The following RANBP6 variants were observed in gnomAD, a reference collection of about 807,000 sequenced individuals.
RANBP6 encodes the protein ran-binding protein 6.
In RANBP6, 10 loss-of-function variants were observed where a neutral mutation model predicts 35.3. The ratio of observed to expected loss-of-function variants is 0.28; its 90% CI spans 0.17 to 0.48. The LOEUF (loss-of-function observed/expected upper bound fraction) is 0.48, where lower values mean the gene tolerates loss of function less well. Ranked by LOEUF, RANBP6 falls within the 20% of genes least tolerant of loss-of-function variation. The pLI, the probability that RANBP6 is intolerant of heterozygous loss-of-function variation, is 0.99. For missense variants in RANBP6, 1,392 were observed against 1,307.7 expected (o/e 1.06, Z -0.99); for synonymous variants, 514 against 464.2 (o/e 1.11, Z -1.38).
rs780774904 is a variant in RANBP6 at position 6,013,760 on chromosome 9, C to G, written c.1848G>C (p.Trp616Cys). ...TTCCAAGAATTTTACACATTCTAGC[C>G]CATGCTGAAACCATGTAAGAGGTCT... ...DPQTSYMVSA[W>C]ARMCKILGKD... The change falls in exon 1 of 1, where the codon TGG (tryptophan) becomes TGC (cysteine). Residue 616 changes from tryptophan (W) to cysteine (C), a missense_variant. By Grantham distance (215) the Trp-to-Cys change is radical. Transcript: ENST00000259569. The G allele has an allele frequency of 6.1e-5, 98 of 1,613,802 alleles. No individual in the cohort carries two copies. The highest frequency in any genetic ancestry group is 8.1e-5 in the Non-Finnish European group (95 of 1,180,048).
In RANBP6 at chr9:6,014,867, G is replaced by C; in HGVS notation, c.741C>G (p.Ser247=). 6.2e-7 allele frequency: 1 copy of C among 1,614,078 alleles called. No individual in the cohort carries two copies. The highest frequency in any genetic ancestry group is 1.1e-5 in the South Asian group (1 of 91,076). The change falls in exon 1 of 1, where the codon TCC becomes TCG. Residue 247 remains serine (S), a synonymous_variant. Transcript: ENST00000259569. ...CYQDDDSVLE[S]LVEIADTVPK... is the part of the protein sequence containing the mutation. ...GTACGGTATCTGCAATCTCAACAAG[G>C]GATTCTAGCACTGAATCATCATCCT...
At position 6,013,651 on chromosome 9, in the gene RANBP6, T is replaced by C. The variant is rs1343835081; in HGVS notation, c.1957A>G (p.Thr653Ala). The C allele has an allele frequency of 6.2e-7, 1 of 1,614,254 alleles. No individual in the cohort carries two copies. The highest frequency in any genetic ancestry group is 1.1e-5 in the South Asian group (1 of 91,084). The change falls in exon 1 of 1, where the codon ACA (threonine) becomes GCA (alanine). Residue 653 changes from threonine (T) to alanine (A), a missense_variant. By Grantham distance (58) the Thr-to-Ala change is moderately conservative. Coordinates refer to ENST00000259569, the MANE Select transcript of RANBP6 (RefSeq NM_012416.4). ...TCACTCATATTTTCCACATCCTGTG[T>C]GTCTAAGAGAGCAACATCAGGTTTA... ...SAKPDVALLDTQDVENMSDDD... is the reference protein window; with the variant it reads ...SAKPDVALLDAQDVENMSDDD...
chr9:6,015,470 A>C lies in RANBP6; in HGVS notation c.138T>G (p.Gly46=). ...CTAAGAGGAAGGTAGTCTTACACAG[A>C]CCTGGGATATTTTCATAGATTTCCT... ...QAEEIYENIP[G]LCKTTFLLDA... The change falls in exon 1 of 1, where the codon GGT becomes GGG. Residue 46 remains glycine, a synonymous_variant. Transcript: ENST00000259569. The C allele has an allele frequency of 6.2e-7, 1 of 1,614,074 alleles. No individual in the cohort carries two copies. Among genetic ancestry groups the C allele is most frequent in the Non-Finnish European group, 8.5e-7 (1 of 1,180,038 alleles).
chr9:6,015,469 G>C lies in RANBP6; in HGVS notation c.139C>G (p.Leu47Val), dbSNP rs1332348691. 1.2e-6 allele frequency: 2 copies of C among 1,614,002 alleles called. No individual in the cohort carries two copies. The highest frequency in any genetic ancestry group is 1.7e-6 in the Non-Finnish European group (2 of 1,180,046). ...AEEIYENIPG[L>V]CKTTFLLDAV... ...TCTAAGAGGAAGGTAGTCTTACACA[G>C]ACCTGGGATATTTTCATAGATTTCC... Residue 47 changes from leucine (L) to valine (V), a missense_variant, in exon 1 of 1, where the codon CTG (leucine) becomes GTG (valine). By Grantham distance (32) the Leu-to-Val change is conservative. Coordinates refer to ENST00000259569, the MANE Select transcript of RANBP6 (RefSeq NM_012416.4).
At position 6,011,572 on chromosome 9, in the gene RANBP6, G is replaced by C. The variant is rs760625345; in HGVS notation, c.*718C>G. 4 of 152,154 alleles carry C rather than the reference G, an allele frequency of 2.6e-5. No individual in the cohort carries two copies. Among genetic ancestry groups the C allele is most frequent in the Non-Finnish European group, 5.9e-5 (4 of 68,036 alleles). 9.4% of individuals were successfully genotyped at this position (152,154 alleles called of 1,614,324 possible). Reference sequence around the variant, plus strand: ...TACTCTTTGTCAAACACTGTTACATGCTACCAATATTAGATGTATCAGGAC... The same window carrying C: ...TACTCTTTGTCAAACACTGTTACATCCTACCAATATTAGATGTATCAGGAC... On this transcript the variant is annotated 3_prime_UTR_variant, in exon 1 of 1. Transcript: ENST00000259569.
At position 6,013,175 on chromosome 9, in the gene RANBP6, C is replaced by T; in HGVS notation, c.2433G>A (p.Gly811=). The stretch of plus-strand genomic sequence containing the variant: ...GTCTCAATTCTTGGTTTTTAAAGTG[C>T]CCTTCAAGTTTTGCTTTCAGTATTC... ...LGGILKAKLE[G]HFKNQELRQV... Residue 811 remains glycine, a synonymous_variant, in exon 1 of 1, where the codon GGG becomes GGA. Transcript: ENST00000259569. 1.2e-6 allele frequency: 2 copies of T among 1,613,828 alleles called. No homozygotes were observed. The highest frequency in any genetic ancestry group is 1.7e-6 in the Non-Finnish European group (2 of 1,179,954).
chr9:6,015,579 G>A lies in RANBP6; in HGVS notation c.29C>T (p.Pro10Leu), dbSNP rs769632096. The change falls in exon 1 of 1, where the codon CCG (proline) becomes CTG (leucine). Residue 10 changes from proline to leucine, a missense_variant. By Grantham distance (98) the Pro-to-Leu change is moderately conservative (BLOSUM62 -3). Coordinates refer to ENST00000259569, the MANE Select transcript of RANBP6 (RefSeq NM_012416.4). MAATASAGV[P>L]ATVSEKQEFY... is the part of the protein sequence containing the mutation. ...CTCTTGCTTTTCTGACACGGTCGCC[G>A]GCACCCCTGCAGACGCGGTTGCCGC... 2.6e-5 allele frequency: 41 copies of A among 1,602,204 alleles called. 1 individual carries two copies. The highest frequency in any genetic ancestry group is 8.4e-5 in the Admixed American group (5 of 59,788).
Position 6,014,813 on chromosome 9 carries a change from A to T in RANBP6, c.795T>A (p.Asp265Glu). 6.2e-7 allele frequency: 1 copy of T among 1,614,242 alleles called. No individual in the cohort carries two copies. Residue 265 changes from aspartate to glutamate, a missense_variant, in exon 1 of 1, where the codon GAT (aspartate) becomes GAA (glutamate). Asp to Glu is a conservative substitution (Grantham distance 45). Coordinates refer to ENST00000259569, the MANE Select transcript of RANBP6 (RefSeq NM_012416.4). ...VPKYLGPYLE[D>E]TLQLSLKLCG... ...ATAACTTCAAACTCAACTGTAGAGT[A>T]TCTTCTAAATAAGGACCCAAGTACT...
In RANBP6 at chr9:6,013,376, A is replaced by G. The variant is rs1264211143; in HGVS notation, c.2232T>C (p.Ile744=). Residue 744 remains isoleucine, a synonymous_variant, in exon 1 of 1, where the codon ATT becomes ATC. Transcript: ENST00000259569. ...SMPFLLECAR[I]RGPEYLAQMW... ...TCTGTGCAAGATACTCTGGGCCACG[A>G]ATTCTTGCACATTCCAGGAGAAAAG... 2 of 1,614,242 alleles carry G rather than the reference A, an allele frequency of 1.2e-6. No individual in the cohort carries two copies. The highest frequency in any genetic ancestry group is 2.2e-5 in the East Asian group (1 of 44,890).
chr9:6,012,725 T>G lies in RANBP6; in HGVS notation c.2883A>C (p.Lys961Asn). 6.2e-7 allele frequency: 1 copy of G among 1,614,172 alleles called. No individual in the cohort carries two copies. Among genetic ancestry groups the G allele is most frequent in the Non-Finnish European group, 8.5e-7 (1 of 1,180,020 alleles). The change falls in exon 1 of 1, where the codon AAA (lysine) becomes AAC (asparagine). Residue 961 changes from lysine (K) to asparagine (N), a missense_variant. Coordinates refer to ENST00000259569, the MANE Select transcript of RANBP6 (RefSeq NM_012416.4). ...TTTTGGAATTTGCACACTTAATAACTTTTACCAGAAGTGGAACAGCTTCTG... is the reference window on the plus strand; with the variant it reads ...TTTTGGAATTTGCACACTTAATAACGTTTACCAGAAGTGGAACAGCTTCTG... ...LCSEAVPLLVKVIKCANSKTK... is the reference protein window; with the variant it reads ...LCSEAVPLLVNVIKCANSKTK...
chr9:6,012,661 C>T lies in RANBP6; in HGVS notation c.2947G>A (p.Ala983Thr). Reference protein sequence around the residue: ...NVIATENCISAIGKILKFKPN... With the variant: ...NVIATENCISTIGKILKFKPN... ...TTAAACTTCAAAATCTTCCCTATTG[C>T]TGAGATACAGTTCTCTGTAGCAATG... Residue 983 changes from alanine (A) to threonine (T), a missense_variant, in exon 1 of 1, where the codon GCA becomes ACA. Physicochemically the swap from Ala to Thr is moderately conservative, Grantham distance 58. Transcript: ENST00000259569. The T allele has an allele frequency of 6.2e-7, 1 of 1,613,528 alleles. No individual in the cohort carries two copies. The highest frequency in any genetic ancestry group is 8.5e-7 in the Non-Finnish European group (1 of 1,179,788).
In RANBP6 at chr9:6,015,475, G is replaced by C. The variant is rs768510899; in HGVS notation, c.133C>G (p.Pro45Ala). Residue 45 changes from proline to alanine, a missense_variant, in exon 1 of 1, where the codon CCA (proline) becomes GCA (alanine). Transcript: ENST00000259569. The stretch of plus-strand genomic sequence containing the variant: ...AGGAAGGTAGTCTTACACAGACCTG[G>C]GATATTTTCATAGATTTCCTCTGCT... ...RQAEEIYENI[P>A]GLCKTTFLLD... 3.1e-6 allele frequency: 5 copies of C among 1,614,076 alleles called. No individual in the cohort carries two copies. The highest frequency in any genetic ancestry group is 2.2e-5 in the East Asian group (1 of 44,882).
Position 6,015,353 on chromosome 9 carries a change from A to C in RANBP6, c.255T>G (p.Val85=). Residue 85 remains valine, a synonymous_variant, in exon 1 of 1, where the codon GTT becomes GTG. Transcript: ENST00000259569. Reference sequence around the variant, plus strand: ...GAACATCAGCAGGCAGATTTGGATAAACCTCCTCAAACCCAGAGGACAAAA... The same window carrying C: ...GAACATCAGCAGGCAGATTTGGATACACCTCCTCAAACCCAGAGGACAAAA... ...RRLLSSGFEE[V]YPNLPADVQR... 1 of 1,614,230 alleles carries C rather than the reference A, an allele frequency of 6.2e-7. No individual in the cohort carries two copies. Among genetic ancestry groups the C allele is most frequent in the East Asian group, 2.2e-5 (1 of 44,890 alleles).
Position 6,014,014 on chromosome 9 carries a change from C to G in RANBP6, c.1594G>C (p.Glu532Gln), listed in dbSNP as rs745706300. The part of the protein sequence containing the change: ...TTIASVADTI[E>Q]EKFVPYYDIF... ...TCATAATATGGGACAAATTTTTCTT[C>G]TATTGTATCTGCAACTGATGCAATG... The change falls in exon 1 of 1, where the codon GAA becomes CAA. Residue 532 changes from glutamate (E) to glutamine (Q), a missense_variant. Physicochemically the swap from Glu to Gln is conservative, Grantham distance 29 (BLOSUM62 2). Coordinates refer to ENST00000259569, the MANE Select transcript of RANBP6 (RefSeq NM_012416.4). The G allele has an allele frequency of 2.5e-5, 40 of 1,613,650 alleles. No homozygotes were observed. In the Admixed American group the frequency reaches 6.5e-4, roughly 26 times the overall value.
Position 6,011,207 on chromosome 9 carries a change from C to T in RANBP6, c.*1083G>A, listed in dbSNP as rs1391059390. On this transcript the variant is annotated 3_prime_UTR_variant, in exon 1 of 1. Coordinates refer to ENST00000259569, the MANE Select transcript of RANBP6 (RefSeq NM_012416.4). ...CTTTTCTACCCTACAATAAGCTCGA[C>T]ATTAAAGACTGACATTCCAATTAAT... 2 of 152,170 alleles carry T rather than the reference C, an allele frequency of 1.3e-5. No homozygotes were observed. The highest frequency in any genetic ancestry group is 2.4e-5 in the African/African-American group (1 of 41,438). 9.4% of individuals were successfully genotyped at this position (152,170 alleles called of 1,614,324 possible).
Position 6,014,567 on chromosome 9 carries a change from C to T in RANBP6, c.1041G>A (p.Ala347=), listed in dbSNP as rs372388821. 51 of 1,614,068 alleles carry T rather than the reference C, an allele frequency of 3.2e-5. No homozygotes were observed. The Admixed American group carries it at 3.7e-4, about 12-fold the overall frequency. Residue 347 remains alanine (A), a synonymous_variant, in exon 1 of 1, where the codon GCG becomes GCA. Transcript: ENST00000259569. ...EDDFDSNAVA[A]ESALDRLACG... is the part of the protein sequence containing the mutation. ...AAGCCAGTCTGTCTAGTGCACTCTC[C>T]GCAGCAACTGCATTGCTGTCAAAAT...
Position 6,013,065 on chromosome 9 carries a change from G to C in RANBP6, c.2543C>G (p.Thr848Ser), listed in dbSNP as rs1441626423. The C allele has an allele frequency of 1.2e-6, 2 of 1,613,672 alleles. No homozygotes were observed. The highest frequency in any genetic ancestry group is 8.5e-7 in the Non-Finnish European group (1 of 1,179,940). ...DEDECDVYILTKVSDILHSLF... is the reference protein window; with the variant it reads ...DEDECDVYILSKVSDILHSLF... Reference sequence around the variant, plus strand: ...TGAGTGCAAAATATCTGATACTTTGGTCAGAATATAAACATCACATTCATC... The same window carrying C: ...TGAGTGCAAAATATCTGATACTTTGCTCAGAATATAAACATCACATTCATC... The change falls in exon 1 of 1, where the codon ACC becomes AGC. Residue 848 changes from threonine (T) to serine (S), a missense_variant. Coordinates refer to ENST00000259569, the MANE Select transcript of RANBP6 (RefSeq NM_012416.4).
Position 6,013,155 on chromosome 9 carries a change from A to T in RANBP6, c.2453T>A (p.Leu818Ter). The T allele has an allele frequency of 6.2e-7, 1 of 1,614,016 alleles. No homozygotes were observed. The highest frequency in any genetic ancestry group is 8.5e-7 in the Non-Finnish European group (1 of 1,180,010). Residue 818 changes from leucine to a stop codon, truncating the protein, a stop_gained, in exon 1 of 1, where the codon TTG becomes TAG. Transcript: ENST00000259569. LOFTEE classifies it high-confidence loss of function. The part of the protein sequence containing the change: ...KLEGHFKNQE[L>*]RQVKRQEENY... ...TTCTTCCTGTCTTTTCACCTGTCTC[A>T]ATTCTTGGTTTTTAAAGTGCCCTTC... is the stretch of plus-strand genomic sequence containing the variant.
At position 6,012,648 on chromosome 9, in the gene RANBP6, A is replaced by G; in HGVS notation, c.2960T>C (p.Ile987Thr). 6.2e-7 allele frequency: 1 copy of G among 1,613,584 alleles called. No individual in the cohort carries two copies. Among genetic ancestry groups the G allele is most frequent in the Non-Finnish European group, 8.5e-7 (1 of 1,179,856 alleles). ...TENCISAIGKILKFKPNCVNV... is the reference protein window; with the variant it reads ...TENCISAIGKTLKFKPNCVNV... ...TACACAGTTAGGCTTAAACTTCAAA[A>G]TCTTCCCTATTGCTGAGATACAGTT... Residue 987 changes from isoleucine to threonine, a missense_variant, in exon 1 of 1, where the codon ATT becomes ACT. Physicochemically the swap from Ile to Thr is moderately conservative, Grantham distance 89. Transcript: ENST00000259569.
Sources: gnomAD v4.1 joint callset for allele counts on GRCh38, gnomAD v4.1.1 for gene constraint, MANE v1.5 for transcripts, NCBI Gene and HGNC (gene_info 2026-07-23, HGNC 2026-07-21) for gene names.